The following NALCN variants were observed in gnomAD, a reference collection of about 807,000 sequenced individuals.
The protein encoded by NALCN is sodium leak channel NALCN.
A neutral mutation model predicts 225.3 loss-of-function variants in NALCN; 111 were observed. The ratio of observed to expected loss-of-function variants is 0.49; its 90% confidence interval spans 0.42 to 0.58. The LOEUF is 0.58. Among genes scored for constraint, NALCN ranks in the 20% least tolerant of loss-of-function variants. NALCN has a pLI of 0.00. For missense variants in NALCN, 1,378 were observed against 2,202.4 expected (o/e 0.63, Z 7.49); for synonymous variants, 764 against 769.0 (o/e 0.99, Z 0.11).
At chr13:101,072,837 TTG>T (rs1298754769) in intron 37 of NALCN, among the ~76,000 whole-genome samples, 3 of 152,220 alleles carry the variant, frequency 2.0e-5, no homozygotes, top group African/African-American at 7.2e-5. Flanking sequence ...AGTTCCTCAG[TTG>T]TGTTAGCCAC....
intron 3 of NALCN, among the ~76,000 whole-genome samples, chr13:101,382,667 T>C (rs2139439989): frequency 6.6e-6 from 1 of 152,312 alleles, no homozygotes; most frequent in African/African-American, 2.4e-5. Flanking sequence ...GCACCAGTGG[T>C]GATCAGAAAT....
chr13:101,348,004 A>G (rs1343009382), intron 6 of NALCN, among the ~76,000 whole-genome samples: 1 of 152,208 alleles, frequency 6.6e-6, no homozygotes, highest in Non-Finnish European at 1.5e-5. Context: ...AAGAGATACT[A>G]TATGGATCAC....
Position 101,062,016 on chromosome 13 carries a change from C to T in NALCN, c.4707G>A (p.Lys1569=). 6.2e-7 allele frequency: 1 copy of T among 1,614,158 alleles called. No homozygotes were observed. Among genetic ancestry groups the T allele is most frequent in the South Asian group, 1.1e-5 (1 of 91,078 alleles). Residue 1569 remains lysine (K), a synonymous_variant, in exon 41 of 44, where the codon AAG becomes AAA. Coordinates refer to ENST00000251127, the MANE Select transcript of NALCN (RefSeq NM_052867.4). ...LEYTIEEEVA[K]QTIRMWLKKC... ...TCTTGAGCCACATGCGGATGGTCTGCTTGGCCACCTCCTCCTCTATGGTGT... is the reference window on the plus strand; with the variant it reads ...TCTTGAGCCACATGCGGATGGTCTGTTTGGCCACCTCCTCCTCTATGGTGT...
intron 15 of NALCN, among the ~76,000 whole-genome samples, chr13:101,164,071 C>T (rs1372435498): frequency 6.6e-6 from 1 of 152,092 alleles, no homozygotes; most frequent in Non-Finnish European, 1.5e-5. Context: ...CTAATGACCT[C>T]ATCTTAACCT....
intron 10 of NALCN, among the ~76,000 whole-genome samples, chr13:101,265,962 T>C (rs549866): frequency 0.99 from 151,338 of 152,350 alleles, 75,172 homozygotes; most frequent in Middle Eastern, 1. Flanking sequence ...ACAATCTGTT[T>C]TTCACAGAAA....
At position 101,279,844 on chromosome 13, in the gene NALCN, T is replaced by TAAAG. The variant is rs1234585442; in HGVS notation, c.1134+4088_1134+4089insCTTT. Among the ~76,000 whole-genome samples the TAAAG allele has an allele frequency of 9.9e-5, 9 of 90,534 alleles. No homozygotes were observed. The East Asian group carries it at 1.5e-3, about 15-fold the overall frequency. 59.4% of individuals were successfully genotyped at this position (90,534 alleles called of 152,430 possible). ...AAAATAAATAAATAAATAAAATAAA[T>TAAAG]AAATAAATAAATAAATAAATAAATA... On this transcript the variant is annotated intron_variant, in intron 10 of 43. Coordinates refer to ENST00000251127, the MANE Select transcript of NALCN (RefSeq NM_052867.4).
intron 17 of NALCN, 108 bp from the exon 18 acceptor site, chr13:101,124,789 C>T (rs542185837): frequency 2.8e-5 from 26 of 936,268 alleles, no homozygotes; most frequent in Middle Eastern, 2.4e-4. Context: ...GAATATGTTT[C>T]GCTAAAGCAT....
chr13:101,149,786 AAAGC>A (rs1442662501), intron 15 of NALCN, among the ~76,000 whole-genome samples: 1 of 152,160 alleles, frequency 6.6e-6, no homozygotes, highest in Non-Finnish European at 1.5e-5. Context: ...AAACCTCCTA[AAAGC>A]AAGGACTTGT....
At position 101,083,701 on chromosome 13, in the gene NALCN, T is replaced by C. The variant is rs1258759087; in HGVS notation, c.3583+10A>G. On this transcript the variant is annotated intron_variant, in intron 31 of 43. Transcript: ENST00000251127. ...GCCCAACATGAATAAAATCAGAGCATTTTGGGTACCCGGGCGAGGCGGAAG... is the reference window on the plus strand; with the variant it reads ...GCCCAACATGAATAAAATCAGAGCACTTTGGGTACCCGGGCGAGGCGGAAG... 2 of 1,612,362 alleles carry C rather than the reference T, an allele frequency of 1.2e-6. No homozygotes were observed. The highest frequency in any genetic ancestry group is 2.2e-5 in the East Asian group (1 of 44,830).
At chr13:101,310,333 C>T (rs2044296400) in intron 7 of NALCN, among the ~76,000 whole-genome samples, 1 of 152,132 alleles carries the variant, frequency 6.6e-6, no homozygotes, top group African/African-American at 2.4e-5. Flanking sequence ...TTCCCTTTCT[C>T]TTTCTCCATA....
intron 10 of NALCN, among the ~76,000 whole-genome samples, chr13:101,275,745 G>T (rs1449274474): frequency 6.6e-6 from 1 of 152,016 alleles, no homozygotes; most frequent in Non-Finnish European, 1.5e-5. Context: ...AAGAAACCAG[G>T]TATGGGGCTT....
At chr13:101,267,961 C>A (rs2042651114) in intron 10 of NALCN, among the ~76,000 whole-genome samples, 1 of 152,144 alleles carries the variant, frequency 6.6e-6, no homozygotes. Context: ...TGAAGTGGAG[C>A]AATGTGATTG....
Position 101,142,966 on chromosome 13 carries a change from A to C in NALCN, c.2118+114T>G, listed in dbSNP as rs673213. The C allele has an allele frequency of 0.47, 615,426 of 1,322,006 alleles. 145,270 individuals are homozygous for C. The highest frequency in any genetic ancestry group is 0.61 in the African/African-American group (41,691 of 68,270). 81.9% of individuals were successfully genotyped at this position (1,322,006 alleles called of 1,614,324 possible). Reference sequence around the variant, plus strand: ...TATCTTTTACAAATGAAATCATTTTATTTTCATTATTCTCTTGAGAAATTG... The same window carrying C: ...TATCTTTTACAAATGAAATCATTTTCTTTTCATTATTCTCTTGAGAAATTG... On this transcript the variant is annotated intron_variant, in intron 17 of 43. Transcript: ENST00000251127.
At chr13:101,103,144 C>A (rs1254697911) in intron 26 of NALCN, 28 bp downstream of exon 26, 2 of 1,606,514 alleles carry the variant, frequency 1.2e-6, no homozygotes, top group Non-Finnish European at 1.7e-6. Flanking sequence ...CTACTGTGAA[C>A]TGGAATCAAA....
chr13:101,298,514 G>T (rs1276903338), intron 7 of NALCN, among the ~76,000 whole-genome samples: 2 of 152,120 alleles, frequency 1.3e-5, no homozygotes, highest in African/African-American at 4.8e-5. Context: ...TAGAGACAGG[G>T]TTTCGTCATG....
At chr13:101,085,663 G>C (rs767227123) in intron 30 of NALCN, among the ~76,000 whole-genome samples, 48 of 152,164 alleles carry the variant, frequency 3.2e-4, no homozygotes, top group Non-Finnish European at 5.0e-4. Flanking sequence ...CACTGTACCC[G>C]ATAAATATGT....
At chr13:101,149,173 G>C (rs779968728) in intron 15 of NALCN, among the ~76,000 whole-genome samples, 11 of 152,008 alleles carry the variant, frequency 7.2e-5, no homozygotes, top group Non-Finnish European at 1.3e-4. Flanking sequence ...GGCGCCTGTA[G>C]TCCCAGCTAC....
intron 15 of NALCN, among the ~76,000 whole-genome samples, chr13:101,152,030 ATG>A (rs2037675264): frequency 6.6e-6 from 1 of 152,288 alleles, no homozygotes; most frequent in South Asian, 2.1e-4. Flanking sequence ...ATCAAAAAAC[ATG>A]TTTAAGTCAC....
chr13:101,060,449 A>ATTTTTTTTTTTTTTTTTTTTTTTTTTTT (rs55697849), intron 41 of NALCN, among the ~76,000 whole-genome samples: 1 of 93,718 alleles, frequency 1.1e-5, no homozygotes, highest in Non-Finnish European at 2.0e-5. Flanking sequence ...TGGCTAATTA[A>ATTTTTTTTTTTTTTTTTTTTTTTTTTTT]TTTTTTTTTT....
Sources: allele counts gnomAD v4.1 joint callset (sites outside exome capture counted in the v4.1 genomes callset), GRCh38; gene constraint gnomAD v4.1.1; transcripts MANE v1.5; gene names NCBI Gene and HGNC (gene_info 2026-07-23, HGNC 2026-07-21).